RGPD8: variants seen among roughly 807,000 people sequenced by gnomAD.
The protein encoded by RGPD8 is RANBP2-like and GRIP domain-containing protein 8.
In RGPD8, 15 loss-of-function variants were observed where a neutral mutation model predicts 89.1. The observed-to-expected ratio is 0.17, with a 90% CI of 0.11 to 0.26. The LOEUF (loss-of-function observed/expected upper bound fraction) is 0.26, where lower values mean the gene tolerates loss of function less well. RGPD8 is among the 10% of genes least tolerant of loss of function. The pLI, the probability that RGPD8 is intolerant of heterozygous loss-of-function variation, is 1.00. For synonymous variants in RGPD8, 62 were observed against 420.9 expected, an observed-to-expected ratio of 0.15 and a Z score of 10.44; for missense variants, 178 against 1,179.6, an observed-to-expected ratio of 0.15 and a Z score of 12.44.
chr2:112,381,896 C>T (rs1243488320), intron 20 of RGPD8, among the ~76,000 whole-genome samples: 4 of 152,418 alleles, frequency 2.6e-5, no homozygotes, highest in African/African-American at 2.4e-5. Flanking sequence ...ATGGTTAATA[C>T]TGGGTGTCAA....
intron 20 of RGPD8, among the ~76,000 whole-genome samples, chr2:112,385,741 AATTT>A (rs1291196216): frequency 1.9e-3 from 267 of 141,490 alleles, no homozygotes; most frequent in African/African-American, 6.5e-3. Context: ...GCTACTAGAA[AATTT>A]ATTTATTTAT....
rs1017778609 is a variant in RGPD8 at position 112,417,274 on chromosome 2, T to C, written c.701A>G (p.Asp234Gly). ...DKSDWRATNT[D>G]LLLAYANLML... Reference sequence around the variant, plus strand: ...AAGATTAGCATAGGCCAGCAGTAAGTCTGTATTGGTTGCTCGCCAGTCACT... The same window carrying C: ...AAGATTAGCATAGGCCAGCAGTAAGCCTGTATTGGTTGCTCGCCAGTCACT... The change falls in exon 6 of 23, where the codon GAC (aspartate) becomes GGC (glycine). Residue 234 changes from aspartate (D) to glycine (G), a missense_variant. Physicochemically the swap from Asp to Gly is moderately conservative, Grantham distance 94. Coordinates refer to ENST00000302558, the MANE Select transcript of RGPD8 (RefSeq NM_001164463.1). 1 of 1,610,420 alleles carries C rather than the reference T, an allele frequency of 6.2e-7. No individual in the cohort carries two copies. Among genetic ancestry groups the C allele is most frequent in the Non-Finnish European group, 8.5e-7 (1 of 1,179,844 alleles).
In RGPD8 at chr2:112,424,254, A is replaced by C; in HGVS notation, c.126T>G (p.Tyr42Ter). 6.3e-7 allele frequency: 1 copy of C among 1,587,682 alleles called. No individual in the cohort carries two copies. The highest frequency in any genetic ancestry group is 8.5e-7 in the Non-Finnish European group (1 of 1,172,278). The part of the protein sequence containing the change: ...FAKLYYEAKE[Y>*]DLAKKYICTY... ...TTTGTACTTACTTTTTAGCAAGATCATATTCTTTAGCTTCATAATACAGCT... is the reference window on the plus strand; with the variant it reads ...TTTGTACTTACTTTTTAGCAAGATCCTATTCTTTAGCTTCATAATACAGCT... The change falls in exon 2 of 23, where the codon TAT (tyrosine) becomes TAG (stop). Residue 42 changes from tyrosine to a stop codon, truncating the protein, a stop_gained. Transcript: ENST00000302558. LOFTEE classifies it high-confidence loss of function.
intron 1 of RGPD8, 119 bp downstream of exon 1, chr2:112,433,263 A>G (rs1680138951): frequency 9.8e-7 from 1 of 1,025,402 alleles, no homozygotes; most frequent in South Asian, 2.0e-5. Context: ...AGAGCGCGCC[A>G]GGGAGCAGCG....
chr2:112,376,489 ATATACT>A (rs1179145302), intron 22 of RGPD8, among the ~76,000 whole-genome samples: 7 of 112,278 alleles, frequency 6.2e-5, no homozygotes, highest in Non-Finnish European at 1.4e-4. Flanking sequence ...CACATTAAAA[ATATACT>A]TATATATATA....
intron 1 of RGPD8, among the ~76,000 whole-genome samples, chr2:112,430,604 C>T (rs958511435): frequency 5.3e-5 from 8 of 151,084 alleles, no homozygotes; most frequent in Admixed American, 2.6e-4. Context: ...TTTTGGAAGC[C>T]AAGGTCCCCA....
intron 8 of RGPD8, among the ~76,000 whole-genome samples, chr2:112,404,867 GAA>G (rs1227179322): frequency 1.3e-5 from 1 of 77,784 alleles, no homozygotes; most frequent in African/African-American, 4.7e-5. Flanking sequence ...ACTGTCTCAG[GAA>G]AAAAAAAAAA....
chr2:112,402,567 T>C (rs1678910245), intron 9 of RGPD8, among the ~76,000 whole-genome samples: 1 of 129,684 alleles, frequency 7.7e-6, no homozygotes, highest in Non-Finnish European at 1.6e-5. Context: ...AGAGGTATAA[T>C]CTTTCTGTCA....
intron 3 of RGPD8, among the ~76,000 whole-genome samples, 188 bp downstream of exon 3, chr2:112,422,360 G>C (rs1166878570): frequency 2.0e-5 from 3 of 150,762 alleles, no homozygotes; most frequent in African/African-American, 7.4e-5. Context: ...ATTTCTGACC[G>C]TGTTAGACTT....
chr2:112,380,650 CAA>C lies in RGPD8; in HGVS notation c.5061+172_5061+173del, dbSNP rs369818204. Among the ~76,000 whole-genome samples, 22 of 109,394 alleles carry C rather than the reference CAA, an allele frequency of 2.0e-4. No individual in the cohort carries two copies. The East Asian group carries it at 2.1e-3, about 10-fold the overall frequency. The allele number at this position is 109,394 out of a possible 152,430, so 71.8% of individuals were successfully genotyped here. A position where few individuals can be genotyped will look rare whatever the true frequency, so the allele number is the denominator to read the frequency against. On this transcript the variant is annotated intron_variant, in intron 21 of 22. Coordinates refer to ENST00000302558, the MANE Select transcript of RGPD8 (RefSeq NM_001164463.1). ...CCTGGGTGACAGAGCAAGACTGTCTCAAAAAAAAAAAAAAAAAAAAAGGCAAT... is the reference window on the plus strand; with the variant it reads ...CCTGGGTGACAGAGCAAGACTGTCTCAAAAAAAAAAAAAAAAAAAGGCAAT...
chr2:112,409,626 C>A lies in RGPD8; in HGVS notation c.978+2805G>T, dbSNP rs1304331972. Among the ~76,000 whole-genome samples, 5 of 147,856 alleles carry A rather than the reference C, an allele frequency of 3.4e-5. No homozygotes were observed. The East Asian group carries it at 9.8e-4, about 29-fold the overall frequency. ...AACCAGCCTGGGAAACATAGCAAGA[C>A]CTTGTCTTTACAAAAAATTTAACAA... On this transcript the variant is annotated intron_variant, in intron 7 of 22. Coordinates refer to ENST00000302558, the MANE Select transcript of RGPD8 (RefSeq NM_001164463.1).
intron 22 of RGPD8, among the ~76,000 whole-genome samples, chr2:112,374,858 C>CTTTTTT (rs780008775): frequency 1.5e-4 from 15 of 103,402 alleles, no homozygotes; most frequent in African/African-American, 4.4e-4. Flanking sequence ...AGTTTACATT[C>CTTTTTT]TTTTTTTTTT....
chr2:112,390,513 T>A (rs547307743), intron 19 of RGPD8, among the ~76,000 whole-genome samples: 2 of 145,026 alleles, frequency 1.4e-5, no homozygotes, highest in South Asian at 2.3e-4. Flanking sequence ...AGGCAACTGA[T>A]GCACTGAGAG....
chr2:112,432,646 A>G (rs1023358805), intron 1 of RGPD8: 3 of 985,044 alleles, frequency 3.0e-6, no homozygotes, highest in African/African-American at 1.7e-5. Context: ...TGTCCAGGAC[A>G]TGGGAAGAAA....
rs1449187695 is a variant in RGPD8, at chr2:112,370,136, A to G, written c.*42T>C. ...TTTGGTTAATAGAAGTATTCCTTCC[A>G]TCAACCTATCGAAGTCCAAACCAAC... On this transcript the variant is annotated 3_prime_UTR_variant, in exon 23 of 23. Coordinates refer to ENST00000302558, the MANE Select transcript of RGPD8 (RefSeq NM_001164463.1). The G allele has an allele frequency of 7.0e-7, 1 of 1,437,564 alleles. No individual in the cohort carries two copies. The highest frequency in any genetic ancestry group is 9.5e-7 in the Non-Finnish European group (1 of 1,052,122). The allele number at this position is 1,437,564 out of a possible 1,614,324, so 89.1% of individuals were successfully genotyped here.
chr2:112,370,936 T>A (rs1416159232), intron 22 of RGPD8, among the ~76,000 whole-genome samples: 1 of 151,200 alleles, frequency 6.6e-6, no homozygotes, highest in Middle Eastern at 3.2e-3. Flanking sequence ...CTTCTCACAA[T>A]ATACTTTGAT....
At chr2:112,431,648 T>G (rs1222464575) in intron 1 of RGPD8, among the ~76,000 whole-genome samples, 2 of 152,018 alleles carry the variant, frequency 1.3e-5, no homozygotes, top group Non-Finnish European at 2.9e-5. Flanking sequence ...CTGGTTTTTT[T>G]TTTTTTTTTC....
intron 1 of RGPD8, 44 bp downstream of exon 1, chr2:112,433,338 G>GC (rs772104862): frequency 1.4e-6 from 2 of 1,386,362 alleles, no homozygotes; most frequent in Non-Finnish European, 1.9e-6. Flanking sequence ...GGCCGCCGCC[G>GC]CCCGGCCGGG....
intron 1 of RGPD8, among the ~76,000 whole-genome samples, chr2:112,425,913 C>A (rs1679751145): frequency 6.6e-6 from 1 of 152,110 alleles, no homozygotes; most frequent in African/African-American, 2.4e-5. Flanking sequence ...TCAATCGAAA[C>A]ATGTTTCCTG....
Sources: gnomAD v4.1 joint callset for allele counts (sites outside exome capture counted in the v4.1 genomes callset) on GRCh38, gnomAD v4.1.1 for gene constraint, MANE v1.5 for transcripts, NCBI Gene and HGNC (gene_info 2026-07-23, HGNC 2026-07-21) for gene names.